The following KCNG3 variants were observed in gnomAD, a reference collection of about 807,000 sequenced individuals.
The protein encoded by KCNG3 is voltage-gated potassium channel regulatory subunit KCNG3.
In KCNG3, 15 loss-of-function variants were observed where a neutral mutation model predicts 29.0. The observed-to-expected ratio is 0.52, with a 90% CI of 0.35 to 0.80. KCNG3 has a LOEUF of 0.80. KCNG3 is among the 30% of genes least tolerant of loss of function. KCNG3 has a pLI of 0.01. For synonymous variants in KCNG3, 322 were observed against 248.9 expected, an observed-to-expected ratio of 1.29 and a Z score of -2.76; for missense variants, 512 against 605.7, an observed-to-expected ratio of 0.85 and a Z score of 1.62.
At position 42,489,374 on chromosome 2, in the gene KCNG3, G is replaced by A. The variant is rs142125906; in HGVS notation, c.665+3463C>T. Reference sequence around the variant, plus strand: ...ACTGCACTCCGGCCTGGGTGACAGAGTGAGATCTCTTCTCAATCAATCAAC... The same window carrying A: ...ACTGCACTCCGGCCTGGGTGACAGAATGAGATCTCTTCTCAATCAATCAAC... On this transcript the variant is annotated intron_variant, in intron 1 of 1. Transcript: ENST00000306078. Among the ~76,000 whole-genome samples the A allele has an allele frequency of 5.7e-3, 874 of 152,264 alleles. 10 individuals carry two copies. The highest frequency in any genetic ancestry group is 6.8e-3 in the Middle Eastern group (2 of 294).
the KCNG3 span, among the ~76,000 whole-genome samples, chr2:42,400,536 C>T: frequency 6.6e-6 from 1 of 152,128 alleles, no homozygotes; most frequent in Non-Finnish European, 1.5e-5. Flanking sequence ...AAACACCAAA[C>T]ACCCCCTCCT....
intron 1 of KCNG3, among the ~76,000 whole-genome samples, chr2:42,452,716 C>G (rs1406411206): frequency 6.6e-6 from 1 of 151,980 alleles, no homozygotes; most frequent in East Asian, 1.9e-4. Flanking sequence ...TTTTTTATGG[C>G]TGAATAGTAC....
intron 1 of KCNG3, among the ~76,000 whole-genome samples, chr2:42,457,627 T>TCACTCACACA (rs1553327821): frequency 8.0e-6 from 1 of 125,434 alleles, no homozygotes; most frequent in Non-Finnish European, 1.7e-5. Flanking sequence ...CAGGCAGATC[T>TCACTCACACA]CACACACACA....
chr2:42,459,241 A>G (rs921082353), intron 1 of KCNG3, among the ~76,000 whole-genome samples: 1 of 151,402 alleles, frequency 6.6e-6, no homozygotes, highest in African/African-American at 2.4e-5. Context: ...ACAGAATGGT[A>G]TTATGGTTTT....
At chr2:42,440,084 T>C (rs374924036), downstream of KCNG3, among the ~76,000 whole-genome samples, 22 of 152,188 alleles carry the variant, frequency 1.4e-4, no homozygotes, top group African/African-American at 4.8e-4. Context: ...CATGGCTAAA[T>C]TACAACCCAC....
chr2:42,465,811 G>C (rs756911886), intron 1 of KCNG3, among the ~76,000 whole-genome samples: 21 of 152,090 alleles, frequency 1.4e-4, no homozygotes, highest in Non-Finnish European at 1.9e-4. Context: ...TTAAAAAATA[G>C]GCTATGTGGA....
rs1309727546 is a variant in KCNG3 at position 42,493,225 on chromosome 2, AG to A, written c.276del (p.Ser93ProfsTer6). ...KLRFAPRMCE[L>X]SFYNEMIYWG... ...CAGTAGATCATCTCGTTGTAGAAGG[AG>A]AGCTCGCACATCCGCGGCGCGAAGC... On this transcript the variant is annotated frameshift_variant, in exon 1 of 2. Transcript: ENST00000306078. LOFTEE classifies it high-confidence loss of function. The A allele has an allele frequency of 6.2e-7, 1 of 1,611,672 alleles. No individual in the cohort carries two copies. Among genetic ancestry groups the A allele is most frequent in the Non-Finnish European group, 8.5e-7 (1 of 1,179,876 alleles).
At chr2:42,464,844 T>C (rs1205057700) in intron 1 of KCNG3, among the ~76,000 whole-genome samples, 1 of 152,108 alleles carries the variant, frequency 6.6e-6, no homozygotes, top group African/African-American at 2.4e-5. Flanking sequence ...GCACAACGTG[T>C]AGTGGTTGTA....
the KCNG3 span, among the ~76,000 whole-genome samples, chr2:42,436,441 TC>T: frequency 6.6e-6 from 1 of 152,230 alleles, no homozygotes; most frequent in Non-Finnish European, 1.5e-5. Flanking sequence ...TTTATTTAGT[TC>T]CATTTTTAAA....
chr2:42,416,432 C>T, the KCNG3 span, among the ~76,000 whole-genome samples: 3 of 152,100 alleles, frequency 2.0e-5, no homozygotes, highest in South Asian at 2.1e-4. Flanking sequence ...AGCAACACAA[C>T]AAGATGCGGT....
At chr2:42,467,723 G>A (rs908599814) in intron 1 of KCNG3, among the ~76,000 whole-genome samples, 26 of 146,100 alleles carry the variant, frequency 1.8e-4, no homozygotes, top group Non-Finnish European at 2.4e-4. Context: ...TAATCCTAGC[G>A]CTTTGGGAGG....
the KCNG3 span, chr2:42,415,612 T>C: frequency 6.6e-6 from 1 of 152,206 alleles, no homozygotes; most frequent in Non-Finnish European, 1.5e-5. Flanking sequence ...CATTAAGACT[T>C]GGAAGTTGTT....
At chr2:42,422,463 G>T in the KCNG3 span, among the ~76,000 whole-genome samples, 1 of 151,992 alleles carries the variant, frequency 6.6e-6, no homozygotes, top group Non-Finnish European at 1.5e-5. Flanking sequence ...TACCCTGTCC[G>T]TGGTATTCTG....
intron 1 of KCNG3, among the ~76,000 whole-genome samples, chr2:42,456,937 G>GT (rs1018715091): frequency 1.3e-5 from 2 of 151,814 alleles, no homozygotes; most frequent in African/African-American, 2.4e-5. Context: ...AAAAAGTAGG[G>GT]TTTTTTTGAG....
At chr2:42,468,402 T>C (rs1261724621) in intron 1 of KCNG3, among the ~76,000 whole-genome samples, 8 of 152,212 alleles carry the variant, frequency 5.3e-5, no homozygotes, top group Admixed American at 1.3e-4. Flanking sequence ...AGGGACAGTC[T>C]ATACTGCTAC....
In KCNG3 at chr2:42,443,336, T is replaced by C. The variant is rs955767588; in HGVS notation, c.*598A>G. ...TGAAGCGGCACGATAAGGTGAATAATTGGCACAAAAATAAAGCAAAGAATT... is the reference window on the plus strand; with the variant it reads ...TGAAGCGGCACGATAAGGTGAATAACTGGCACAAAAATAAAGCAAAGAATT... On this transcript the variant is annotated 3_prime_UTR_variant, in exon 2 of 2. Transcript: ENST00000306078. The C allele has an allele frequency of 2.0e-5, 3 of 152,598 alleles. No individual in the cohort carries two copies. Among genetic ancestry groups the C allele is most frequent in the Non-Finnish European group, 1.5e-5 (1 of 68,028 alleles). 9.5% of individuals were successfully genotyped at this position (152,598 alleles called of 1,614,324 possible).
chr2:42,412,928 T>C, the KCNG3 span, among the ~76,000 whole-genome samples: 2 of 152,176 alleles, frequency 1.3e-5, no homozygotes, highest in Non-Finnish European at 2.9e-5. Flanking sequence ...AATGTTTCTT[T>C]CTTTTTTATT....
chr2:42,419,667 A>C, the KCNG3 span, among the ~76,000 whole-genome samples: 2 of 152,214 alleles, frequency 1.3e-5, no homozygotes, highest in Non-Finnish European at 2.9e-5. Context: ...TCAGCTACTC[A>C]ATACAGCTTG....
chr2:42,420,505 G>A, the KCNG3 span, among the ~76,000 whole-genome samples: 2 of 152,018 alleles, frequency 1.3e-5, no homozygotes, highest in Admixed American at 1.3e-4. Context: ...GATTCCAACA[G>A]GGGGCCGGGT....
Sources: allele counts gnomAD v4.1 joint callset (sites outside exome capture counted in the v4.1 genomes callset), GRCh38; gene constraint gnomAD v4.1.1; transcripts MANE v1.5; gene names NCBI Gene and HGNC (gene_info 2026-07-23, HGNC 2026-07-21).